ARL15: variants seen among roughly 807,000 people sequenced by gnomAD.
ARL15 encodes the protein ARF like GTPase 15, also known as ADP-ribosylation factor-like protein 15.
In ARL15, 19 loss-of-function variants were observed where a neutral mutation model predicts 25.2. That is an observed-to-expected ratio of 0.75 (90% confidence interval 0.53 to 1.10). The LOEUF is 1.10. ARL15 is among the 50% of genes least tolerant of loss of function. The pLI is 0.00. For missense variants in ARL15, 220 were observed against 246.0 expected, an observed-to-expected ratio of 0.89 and a Z score of 0.71; for synonymous variants, 94 against 86.8, an observed-to-expected ratio of 1.08 and a Z score of -0.46.
At chr5:54,035,311 T>TA (rs1750133960) in intron 4 of ARL15, among the ~76,000 whole-genome samples, 1 of 152,134 alleles carries the variant, frequency 6.6e-6, no homozygotes, top group Non-Finnish European at 1.5e-5. Flanking sequence ...TGTACAGACA[T>TA]AGTAATCAAA....
At chr5:54,197,046 C>CAT (rs1383730067) in intron 1 of ARL15, among the ~76,000 whole-genome samples, 3 of 152,136 alleles carry the variant, frequency 2.0e-5, no homozygotes, top group Non-Finnish European at 4.4e-5. Context: ...TTTTGGGAAA[C>CAT]AGATAAGTTC....
At chr5:53,937,062 G>A (rs1235073246) in intron 4 of ARL15, among the ~76,000 whole-genome samples, 3 of 152,118 alleles carry the variant, frequency 2.0e-5, no homozygotes, top group Non-Finnish European at 4.4e-5. Flanking sequence ...ATTCCCCCAA[G>A]GGAACACAGA....
At chr5:54,310,304 G>T in intron 1 of ARL15, 128 bp downstream of exon 1, 1 of 1,074,242 alleles carries the variant, frequency 9.3e-7, no homozygotes, top group South Asian at 1.7e-5. Context: ...CCAGCCGGCT[G>T]CGGGAGAAAG....
chr5:54,242,331 ACTTTT>A (rs1198203579), intron 1 of ARL15, among the ~76,000 whole-genome samples: 1 of 152,172 alleles, frequency 6.6e-6, no homozygotes, highest in African/African-American at 2.4e-5. Flanking sequence ...GGCCTTCTAT[ACTTTT>A]CTTCTTCAAC....
chr5:53,990,847 C>T (rs1455728101), intron 4 of ARL15, among the ~76,000 whole-genome samples: 1 of 152,044 alleles, frequency 6.6e-6, no homozygotes, highest in Non-Finnish European at 1.5e-5. Flanking sequence ...TTATTTGCTG[C>T]ACTGATTTTT....
intron 1 of ARL15, among the ~76,000 whole-genome samples, chr5:54,221,658 C>T (rs867702834): frequency 2.6e-5 from 4 of 151,864 alleles, no homozygotes; most frequent in Non-Finnish European, 5.9e-5. Context: ...GATAATATAT[C>T]CAAAACGAAT....
At chr5:54,101,927 T>A (rs189221261) in intron 4 of ARL15, among the ~76,000 whole-genome samples, 1 of 152,302 alleles carries the variant, frequency 6.6e-6, no homozygotes, top group Admixed American at 6.5e-5. Flanking sequence ...GCTGTCTATT[T>A]AAATAATTTA....
chr5:54,251,729 C>T (rs1412841300), intron 1 of ARL15, among the ~76,000 whole-genome samples: 1 of 152,150 alleles, frequency 6.6e-6, no homozygotes, highest in African/African-American at 2.4e-5. Flanking sequence ...TTAAGAACAC[C>T]TGTAGTGTAA....
intron 4 of ARL15, among the ~76,000 whole-genome samples, chr5:54,098,721 T>C (rs1453084668): frequency 1.3e-5 from 2 of 152,208 alleles, no homozygotes; most frequent in East Asian, 1.9e-4. Flanking sequence ...TTTCATTTTT[T>C]AACTAAGTAA....
intron 3 of ARL15, among the ~76,000 whole-genome samples, chr5:54,123,418 T>C (rs905034089): frequency 6.6e-6 from 1 of 152,212 alleles, no homozygotes; most frequent in Non-Finnish European, 1.5e-5. Context: ...TCCTTTTATA[T>C]TTCTTATCTG....
intron 4 of ARL15, among the ~76,000 whole-genome samples, chr5:54,104,091 T>C (rs1280113683): frequency 6.6e-6 from 1 of 152,164 alleles, no homozygotes; most frequent in Non-Finnish European, 1.5e-5. Flanking sequence ...GCTCTTCCCG[T>C]TCCCCTCTTT....
chr5:54,192,655 G>A (rs1240321574), intron 1 of ARL15, among the ~76,000 whole-genome samples: 1 of 105,736 alleles, frequency 9.5e-6, no homozygotes, highest in African/African-American at 3.8e-5. Context: ...ATGACAAAGA[G>A]TTGGGGTGGG....
At chr5:54,228,477 C>A (rs537581017) in intron 1 of ARL15, among the ~76,000 whole-genome samples, 1 of 151,958 alleles carries the variant, frequency 6.6e-6, no homozygotes, top group Non-Finnish European at 1.5e-5. Context: ...CTTATTACCA[C>A]GAGGACTGAC....
At chr5:54,176,148 C>A (rs940552174) in intron 1 of ARL15, among the ~76,000 whole-genome samples, 3 of 152,178 alleles carry the variant, frequency 2.0e-5, no homozygotes, top group African/African-American at 4.8e-5. Flanking sequence ...AAAAGCCTCC[C>A]CACAAAACCA....
intron 4 of ARL15, among the ~76,000 whole-genome samples, chr5:54,031,080 A>C (rs1561195735): frequency 1.3e-5 from 2 of 152,162 alleles, no homozygotes; most frequent in Admixed American, 6.5e-5. Flanking sequence ...GGACAAGATA[A>C]ACTCCCCCAA....
intron 4 of ARL15, among the ~76,000 whole-genome samples, chr5:54,094,722 G>T (rs1330116676): frequency 6.6e-6 from 1 of 152,168 alleles, no homozygotes; most frequent in African/African-American, 2.4e-5. Context: ...GACCAGGCCT[G>T]GGTCTGTATT....
intron 4 of ARL15, among the ~76,000 whole-genome samples, chr5:54,056,789 T>C (rs1479790738): frequency 2.6e-5 from 4 of 152,134 alleles, no homozygotes; most frequent in Non-Finnish European, 5.9e-5. Flanking sequence ...TTTTGAATCC[T>C]AGCTCTGTCT....
intron 4 of ARL15, among the ~76,000 whole-genome samples, chr5:54,047,746 G>A (rs11742692): frequency 0.16 from 23,696 of 152,116 alleles, 2,224 homozygotes; most frequent in East Asian, 0.46. Flanking sequence ...ATTCTTCCAC[G>A]GTTGAAGACC....
intron 1 of ARL15, among the ~76,000 whole-genome samples, chr5:54,220,280 T>G (rs1303218425): frequency 1.3e-5 from 2 of 152,182 alleles, no homozygotes. Context: ...TGACCTAGCA[T>G]ATGAACGTGA....
Sources: gnomAD v4.1 joint callset for allele counts (sites outside exome capture counted in the v4.1 genomes callset) on GRCh38, gnomAD v4.1.1 for gene constraint, MANE v1.5 for transcripts, NCBI Gene and HGNC (gene_info 2026-07-23, HGNC 2026-07-21) for gene names.